CRB1: variants seen among roughly 807,000 people sequenced by gnomAD.
The protein encoded by CRB1 is crumbs cell polarity complex component 1.
A neutral mutation model predicts 120.0 loss-of-function variants in CRB1; 83 were observed. The ratio of observed to expected loss-of-function variants is 0.69; its 90% CI spans 0.58 to 0.83. The LOEUF (loss-of-function observed/expected upper bound fraction) is 0.83. Among genes scored for constraint, CRB1 ranks in the 40% least tolerant of loss-of-function variants. The pLI, the probability that CRB1 is intolerant of heterozygous loss-of-function variation, is 0.00. For synonymous variants in CRB1, 625 were observed against 612.5 expected, an observed-to-expected ratio of 1.02 and a Z score of -0.30; for missense variants, 1,699 against 1,687.6, an observed-to-expected ratio of 1.01 and a Z score of -0.12.
At chr1:197,267,813 C>T (rs183878156), upstream of CRB1, among the ~76,000 whole-genome samples, 137 of 152,206 alleles carry the variant, frequency 9.0e-4, no homozygotes, top group Admixed American at 4.4e-3. Context: ...ACAAAATCTG[C>T]CCCTGAATGA....
At chr1:197,295,020 C>A (rs1256551476) in intron 1 of CRB1, among the ~76,000 whole-genome samples, 1 of 151,978 alleles carries the variant, frequency 6.6e-6, no homozygotes, top group Non-Finnish European at 1.5e-5. Flanking sequence ...CAAACCTGCA[C>A]GTTGTGCACA....
intron 1 of CRB1, among the ~76,000 whole-genome samples, chr1:197,306,080 G>C (rs1216722763): frequency 6.6e-6 from 1 of 152,042 alleles, no homozygotes; most frequent in Admixed American, 6.6e-5. Flanking sequence ...GAAACGAACA[G>C]CACCAAGGAA....
intron 4 of CRB1, among the ~76,000 whole-genome samples, chr1:197,348,473 T>A (rs1473525461): frequency 6.6e-6 from 1 of 152,104 alleles, no homozygotes; most frequent in Non-Finnish European, 1.5e-5. Flanking sequence ...ATTTATTGTT[T>A]ATTTATTTAT....
chr1:197,458,129 G>T (rs1666365552), intron 11 of CRB1, among the ~76,000 whole-genome samples: 1 of 152,040 alleles, frequency 6.6e-6, no homozygotes, highest in African/African-American at 2.4e-5. Context: ...TTAAGGCACT[G>T]GTCCCAAAAG....
At chr1:197,428,962 T>C in intron 7 of CRB1, 2 of 1,531,296 alleles carry the variant, frequency 1.3e-6, no homozygotes, top group Non-Finnish European at 1.7e-6. Flanking sequence ...TAATACTATG[T>C]CTCTGATTCA....
At position 197,427,669 on chromosome 1, in the gene CRB1, T is replaced by G. The variant is rs752628195; in HGVS notation, c.2344T>G (p.Leu782Val). Residue 782 changes from leucine to valine, a missense_variant, in exon 7 of 12, where the codon TTA becomes GTA. By Grantham distance (32) the Leu-to-Val change is conservative (BLOSUM62 1). Coordinates refer to ENST00000367400, the MANE Select transcript of CRB1 (RefSeq NM_201253.3). ...LAMLTPNSPKLVVKFVLNDGN... is the reference protein window; with the variant it reads ...LAMLTPNSPKVVVKFVLNDGN... ...AATGCTGACTCCAAACTCTCCCAAA[T>G]TAGTAGTAAAATTTGTTCTTAATGA... The G allele has an allele frequency of 8.7e-6, 14 of 1,613,840 alleles. No individual in the cohort carries two copies. In the African/African-American group the frequency reaches 1.7e-4, roughly 20 times the overall value.
chr1:197,390,718 T>G (rs1036507889), intron 5 of CRB1, among the ~76,000 whole-genome samples: 3 of 152,108 alleles, frequency 2.0e-5, no homozygotes, highest in Non-Finnish European at 4.4e-5. Context: ...GTGAATTTTT[T>G]TAATTGTAGC....
In CRB1 at chr1:197,421,389, G is replaced by C; in HGVS notation, c.1561G>C (p.Ala521Pro). The change falls in exon 6 of 12, where the codon GCT becomes CCT. Residue 521 changes from alanine (A) to proline (P), a missense_variant. Transcript: ENST00000367400. ...ALRFQTVQPM[A>P]LLLFRSNRDV... ...CAGGTTTCAGACTGTTCAGCCAATG[G>C]CTCTTCTACTTTTCCGAAGCAACAG... is the stretch of plus-strand genomic sequence containing the variant. The C allele has an allele frequency of 6.2e-7, 1 of 1,614,220 alleles. No homozygotes were observed. Among genetic ancestry groups the C allele is most frequent in the Non-Finnish European group, 8.5e-7 (1 of 1,180,048 alleles).
chr1:197,383,266 G>A (rs1226264259), intron 5 of CRB1, among the ~76,000 whole-genome samples: 1 of 152,032 alleles, frequency 6.6e-6, no homozygotes, highest in African/African-American at 2.4e-5. Context: ...TGTTGATATT[G>A]GGGAAAGCTA....
At chr1:197,366,006 T>A (rs374444973) in intron 5 of CRB1, among the ~76,000 whole-genome samples, 2 of 152,134 alleles carry the variant, frequency 1.3e-5, no homozygotes, top group East Asian at 3.8e-4. Context: ...CTATGTAACA[T>A]TTGTTAAAAA....
intron 4 of CRB1, among the ~76,000 whole-genome samples, chr1:197,349,573 A>G (rs917858853): frequency 6.6e-6 from 1 of 152,234 alleles, no homozygotes; most frequent in Non-Finnish European, 1.5e-5. Context: ...GTGGGTGGAA[A>G]GGAAACCTGG....
chr1:197,467,127 A>G (rs1666781110), intron 11 of CRB1, among the ~76,000 whole-genome samples: 1 of 152,212 alleles, frequency 6.6e-6, no homozygotes, highest in Non-Finnish European at 1.5e-5. Context: ...AAGATCTGCA[A>G]ATATGGGGGT....
chr1:197,358,676 C>A (rs927014760), intron 5 of CRB1, among the ~76,000 whole-genome samples: 9 of 152,136 alleles, frequency 5.9e-5, no homozygotes, highest in African/African-American at 2.2e-4. Context: ...AATGTTACTT[C>A]CAAATTTGCT....
chr1:197,278,551 G>T (rs1220051441), intron 1 of CRB1, among the ~76,000 whole-genome samples: 1 of 151,854 alleles, frequency 6.6e-6, no homozygotes, highest in Admixed American at 6.6e-5. Flanking sequence ...GCATACAATA[G>T]CTCTTAAAAG....
chr1:197,449,767 C>T (rs1665869025), intron 11 of CRB1, among the ~76,000 whole-genome samples: 1 of 152,176 alleles, frequency 6.6e-6, no homozygotes, highest in South Asian at 2.1e-4. Flanking sequence ...GCAATCTCTG[C>T]TCAGTTATTT....
chr1:197,226,540 C>A, the CRB1 span, among the ~76,000 whole-genome samples: 1 of 152,092 alleles, frequency 6.6e-6, no homozygotes, highest in Non-Finnish European at 1.5e-5. Flanking sequence ...GAAATCCTAA[C>A]CCCCAGTGGG....
chr1:197,383,941 G>T (rs894548988), intron 5 of CRB1, among the ~76,000 whole-genome samples: 5 of 152,178 alleles, frequency 3.3e-5, no homozygotes, highest in Admixed American at 1.3e-4. Flanking sequence ...CCAGTGGAAG[G>T]TTATAAGAGC....
intron 4 of CRB1, among the ~76,000 whole-genome samples, chr1:197,354,491 G>A (rs975445123): frequency 6.6e-6 from 1 of 152,096 alleles, no homozygotes; most frequent in Non-Finnish European, 1.5e-5. Context: ...TCTTTCTGGT[G>A]GGTTCGTGGT....
At chr1:197,471,537 G>C (rs1666976577) in intron 11 of CRB1, among the ~76,000 whole-genome samples, 1 of 152,138 alleles carries the variant, frequency 6.6e-6, no homozygotes, top group South Asian at 2.1e-4. Context: ...CAGAGGGAAA[G>C]GTGCCTGGTG....
Sources: allele counts gnomAD v4.1 joint callset (sites outside exome capture counted in the v4.1 genomes callset), GRCh38; gene constraint gnomAD v4.1.1; transcripts MANE v1.5; gene names NCBI Gene and HGNC (gene_info 2026-07-23, HGNC 2026-07-21).